CSMD1: variants seen among roughly 807,000 people sequenced by gnomAD.
CSMD1 encodes the protein CUB and Sushi multiple domains 1.
A neutral mutation model predicts 417.5 loss-of-function variants in CSMD1; 213 were observed. That is an observed-to-expected ratio of 0.51 (90% CI 0.46 to 0.57). CSMD1 has a LOEUF of 0.57. Among genes scored for constraint, CSMD1 ranks in the 20% least tolerant of loss-of-function variants. The probability of loss-of-function intolerance (pLI) is 0.00; values close to 1 mark genes in which losing one functional copy is unlikely to be tolerated. For synonymous variants in CSMD1, 2,862 were observed against 1,736.8 expected (o/e 1.65, Z -16.11); for missense variants, 6,923 against 4,529.7 (o/e 1.53, Z -15.17).
intron 1 of CSMD1, among the ~76,000 whole-genome samples, chr8:4,987,599 C>T (rs879711024): frequency 6.6e-6 from 1 of 152,080 alleles, no homozygotes; most frequent in East Asian, 1.9e-4. Flanking sequence ...TGGAATCTGA[C>T]TGATATTTTA....
At chr8:4,059,031 T>C (rs111706272) in intron 3 of CSMD1, among the ~76,000 whole-genome samples, 7,215 of 151,708 alleles carry the variant, frequency 0.048, 481 homozygotes, top group African/African-American at 0.15. Context: ...AAATTGACCA[T>C]ACAGTTGGAA....
intron 7 of CSMD1, among the ~76,000 whole-genome samples, chr8:3,643,137 A>C (rs967225730): frequency 6.6e-6 from 1 of 152,086 alleles, no homozygotes; most frequent in East Asian, 1.9e-4. Context: ...CAGTCAGGGA[A>C]AAACCATGTG....
chr8:4,396,030 A>G (rs1804183859), intron 3 of CSMD1, among the ~76,000 whole-genome samples: 1 of 152,198 alleles, frequency 6.6e-6, no homozygotes, highest in African/African-American at 2.4e-5. Context: ...CTAATTCTAT[A>G]GAAGGAGTAG....
chr8:4,484,193 A>T (rs1440130677), intron 2 of CSMD1, among the ~76,000 whole-genome samples: 5 of 149,602 alleles, frequency 3.3e-5, no homozygotes, highest in African/African-American at 1.2e-4. Context: ...TGCAGCTTGG[A>T]TGACACGAAA....
intron 1 of CSMD1, among the ~76,000 whole-genome samples, chr8:4,722,797 C>T (rs775555651): frequency 3.3e-5 from 5 of 152,134 alleles, no homozygotes; most frequent in Non-Finnish European, 5.9e-5. Flanking sequence ...TTCAGGAATA[C>T]TTGTTTTCTT....
chr8:4,494,111 A>C (rs572275845), intron 2 of CSMD1, among the ~76,000 whole-genome samples: 17 of 152,196 alleles, frequency 1.1e-4, no homozygotes. Flanking sequence ...GTGTAGAAAA[A>C]TGAAGAGAGT....
intron 25 of CSMD1, among the ~76,000 whole-genome samples, chr8:3,291,890 G>C (rs1177156540): frequency 6.6e-6 from 1 of 151,816 alleles, no homozygotes; most frequent in East Asian, 1.9e-4. Flanking sequence ...GTTTGTTCTT[G>C]CTTTTCTAGT....
intron 2 of CSMD1, among the ~76,000 whole-genome samples, chr8:4,566,702 T>C (rs1021019677): frequency 7.3e-5 from 11 of 150,714 alleles, no homozygotes; most frequent in African/African-American, 2.7e-4. Context: ...GGTATAATTT[T>C]GGAATACATA....
At chr8:3,984,058 A>C (rs1814118573) in intron 5 of CSMD1, among the ~76,000 whole-genome samples, 1 of 147,732 alleles carries the variant, frequency 6.8e-6, no homozygotes, top group Non-Finnish European at 1.5e-5. Context: ...TGGGGCTGTC[A>C]ATTGCAGCTC....
rs916087847 is a variant in CSMD1 at position 3,214,411 on chromosome 8, G to A, written c.4867+86C>T. ...CTCACCACCGATGAGAGGAATACGT[G>A]TTGAAATGTGAAACCATTTCTTCAA... is the stretch of plus-strand genomic sequence containing the variant. On this transcript the variant is annotated intron_variant, in intron 30 of 69. Transcript: ENST00000635120. 6 of 1,173,718 alleles carry A rather than the reference G, an allele frequency of 5.1e-6. No individual in the cohort carries two copies. In the Admixed American group the frequency reaches 1.4e-4, roughly 27 times the overall value. The allele number at this position is 1,173,718 out of a possible 1,614,324, so 72.7% of individuals were successfully genotyped here. A position where few individuals can be genotyped will look rare whatever the true frequency, so the allele number is the denominator to read the frequency against.
At chr8:3,951,919 C>G (rs888295667) in intron 5 of CSMD1, among the ~76,000 whole-genome samples, 1 of 150,608 alleles carries the variant, frequency 6.6e-6, no homozygotes, top group African/African-American at 2.5e-5. Flanking sequence ...TAACCAGTTT[C>G]CCAGAAAAAA....
At chr8:4,820,430 T>C (rs1799457624) in intron 1 of CSMD1, among the ~76,000 whole-genome samples, 1 of 152,130 alleles carries the variant, frequency 6.6e-6, no homozygotes, top group Non-Finnish European at 1.5e-5. Context: ...AGAGCAAGAT[T>C]AAATAGTAGC....
chr8:4,275,839 A>G (rs1796454205), intron 3 of CSMD1, among the ~76,000 whole-genome samples: 1 of 152,214 alleles, frequency 6.6e-6, no homozygotes, highest in Non-Finnish European at 1.5e-5. Flanking sequence ...ATATTGTTAT[A>G]TTTTATATGT....
intron 51 of CSMD1, among the ~76,000 whole-genome samples, chr8:3,020,357 A>G (rs1447725183): frequency 6.6e-6 from 1 of 152,180 alleles, no homozygotes; most frequent in East Asian, 1.9e-4. Context: ...ATGTACCACT[A>G]AAACCAGCCC....
At chr8:4,971,053 C>G (rs1211289051) in intron 1 of CSMD1, among the ~76,000 whole-genome samples, 1 of 151,994 alleles carries the variant, frequency 6.6e-6, no homozygotes, top group Non-Finnish European at 1.5e-5. Context: ...TCTTAACTAA[C>G]TTTGGTCTTA....
At chr8:4,226,502 G>C (rs1801366107) in intron 3 of CSMD1, among the ~76,000 whole-genome samples, 1 of 152,090 alleles carries the variant, frequency 6.6e-6, no homozygotes, top group Non-Finnish European at 1.5e-5. Context: ...TGCAGTAACA[G>C]AACCTATAAT....
At chr8:4,080,208 G>T (rs745515316) in intron 3 of CSMD1, among the ~76,000 whole-genome samples, 4 of 151,968 alleles carry the variant, frequency 2.6e-5, no homozygotes, top group South Asian at 2.1e-4. Context: ...CTCCCCAGTA[G>T]TAATAGTTGT....
At chr8:4,824,613 G>A (rs1003404767) in intron 1 of CSMD1, among the ~76,000 whole-genome samples, 1 of 152,132 alleles carries the variant, frequency 6.6e-6, no homozygotes, top group Non-Finnish European at 1.5e-5. Context: ...AGTTGATGAG[G>A]TCTGTGTATG....
chr8:4,793,664 C>T (rs1411026098), intron 1 of CSMD1, among the ~76,000 whole-genome samples: 1 of 151,994 alleles, frequency 6.6e-6, no homozygotes, highest in Non-Finnish European at 1.5e-5. Flanking sequence ...AATGTTGACG[C>T]CTCTGCTCAG....
Sources: allele counts gnomAD v4.1 joint callset (sites outside exome capture counted in the v4.1 genomes callset), GRCh38; gene constraint gnomAD v4.1.1; transcripts MANE v1.5; gene names NCBI Gene and HGNC (gene_info 2026-07-23, HGNC 2026-07-21).